The following MYO10 variants were observed in gnomAD, a reference collection of about 807,000 sequenced individuals.
MYO10 encodes the protein myosin X, also known as unconventional myosin-X.
Under a neutral mutation model 257.3 loss-of-function variants are expected in MYO10, and 133 were observed. The observed-to-expected ratio is 0.52, with a 90% CI of 0.45 to 0.60. MYO10 has a LOEUF of 0.60. Among genes scored for constraint, MYO10 ranks in the 20% least tolerant of loss-of-function variants. MYO10 has a pLI of 0.00. For synonymous variants in MYO10, 1,104 were observed against 1,028.6 expected, an observed-to-expected ratio of 1.07 and a Z score of -1.40; for missense variants, 2,399 against 2,635.7, an observed-to-expected ratio of 0.91 and a Z score of 1.97.
Position 16,772,818 on chromosome 5 carries a change from C to G in MYO10, c.931-3615G>C, listed in dbSNP as rs73053055. 2.5e-3 allele frequency among the ~76,000 whole-genome samples: 388 copies of G among 152,262 alleles called. 1 individual carries two copies. The highest frequency in any genetic ancestry group is 9.1e-3 in the African/African-American group (377 of 41,530). On this transcript the variant is annotated intron_variant, in intron 9 of 40. Transcript: ENST00000513610. Reference sequence around the variant, plus strand: ...TGGCTGGAGGAAGCTGGATACAGGACACTACATAGTGCATATTTTAGTTAC... The same window carrying G: ...TGGCTGGAGGAAGCTGGATACAGGAGACTACATAGTGCATATTTTAGTTAC...
At chr5:16,693,098 C>T (rs1407138757) in intron 27 of MYO10, among the ~76,000 whole-genome samples, 1 of 152,098 alleles carries the variant, frequency 6.6e-6, no homozygotes, top group African/African-American at 2.4e-5. Context: ...GAAACCCCGT[C>T]TCTACCAATA....
At chr5:16,775,679 T>C (rs1046335692) in intron 9 of MYO10, among the ~76,000 whole-genome samples, 3 of 152,036 alleles carry the variant, frequency 2.0e-5, no homozygotes, top group African/African-American at 7.2e-5. Context: ...CTCAGCTCAC[T>C]GCAACCTCCA....
chr5:16,897,090 T>C (rs1016075931), intron 1 of MYO10, among the ~76,000 whole-genome samples: 5 of 152,150 alleles, frequency 3.3e-5, no homozygotes, highest in Non-Finnish European at 5.9e-5. Flanking sequence ...CTGAGTAATC[T>C]ACTACAAAAT....
At chr5:16,906,841 G>C (rs986296013) in intron 1 of MYO10, among the ~76,000 whole-genome samples, 41 of 152,182 alleles carry the variant, frequency 2.7e-4, no homozygotes, top group Non-Finnish European at 4.3e-4. Flanking sequence ...GCCAGGCACG[G>C]TGGCTCACGC....
At chr5:16,758,267 C>T (rs761073441) in intron 17 of MYO10, 41 bp from the exon 18 acceptor site, 1 of 1,346,708 alleles carries the variant, frequency 7.4e-7, no homozygotes, top group South Asian at 1.2e-5. Flanking sequence ...GGCACACACA[C>T]CCATTATTAG....
intron 2 of MYO10, among the ~76,000 whole-genome samples, chr5:16,855,045 C>A (rs1017968799): frequency 1.3e-5 from 2 of 148,858 alleles, no homozygotes; most frequent in African/African-American, 5.0e-5. Flanking sequence ...AAAAAAAAAC[C>A]AAAAAAACTG....
intron 9 of MYO10, among the ~76,000 whole-genome samples, chr5:16,769,917 G>A (rs1740994356): frequency 2.0e-5 from 3 of 151,940 alleles, no homozygotes; most frequent in Admixed American, 6.6e-5. Context: ...TGGAGAGGGG[G>A]TGTATTTTTG....
At chr5:16,723,373 G>A (rs1669690818) in intron 19 of MYO10, among the ~76,000 whole-genome samples, 2 of 151,936 alleles carry the variant, frequency 1.3e-5, no homozygotes, top group Admixed American at 1.3e-4. Flanking sequence ...GGGTGACAGA[G>A]CGAGACTCTG....
chr5:16,700,371 G>A (rs966741617), intron 25 of MYO10, among the ~76,000 whole-genome samples: 9 of 152,106 alleles, frequency 5.9e-5, no homozygotes, highest in African/African-American at 1.9e-4. Flanking sequence ...ATAAACAAAA[G>A]TTCCATTTAA....
At chr5:16,876,780 A>G (rs897129086) in intron 2 of MYO10, among the ~76,000 whole-genome samples, 1 of 152,070 alleles carries the variant, frequency 6.6e-6, no homozygotes, top group Non-Finnish European at 1.5e-5. Flanking sequence ...GTCTTGAACT[A>G]AGGACCTCAA....
chr5:16,665,415 C>T lies in MYO10; in HGVS notation c.*1277G>A, dbSNP rs1736117388. On this transcript the variant is annotated 3_prime_UTR_variant, in exon 41 of 41. Transcript: ENST00000513610. ...TTTCGTGTGGGTAGACTTAGTTGGC[C>T]CAAGTCCTTAAAACTTTTCCATATA... 6.6e-6 allele frequency: 1 copy of T among 152,000 alleles called. No homozygotes were observed. Among genetic ancestry groups the T allele is most frequent in the Non-Finnish European group, 1.5e-5 (1 of 68,016 alleles). 9.4% of individuals were successfully genotyped at this position (152,000 alleles called of 1,614,324 possible).
At chr5:16,755,110 G>A (rs58504699) in intron 18 of MYO10, among the ~76,000 whole-genome samples, 3,599 of 152,150 alleles carry the variant, frequency 0.024, 171 homozygotes, top group African/African-American at 0.081. Context: ...GAAATTATTC[G>A]ATAATACACC....
chr5:16,678,543 G>A (rs1429575360), intron 33 of MYO10, among the ~76,000 whole-genome samples: 5 of 152,310 alleles, frequency 3.3e-5, no homozygotes, highest in East Asian at 3.9e-4. Context: ...TCGCACTACC[G>A]CACTCCAGCC....
chr5:16,679,524 G>GTTTTTTTTTTTTTTTTTTT lies in MYO10; in HGVS notation c.4542+422_4542+423insAAAAAAAAAAAAAAAAAAA, dbSNP rs33919452. 6.0e-4 allele frequency among the ~76,000 whole-genome samples: 74 copies of GTTTTTTTTTTTTTTTTTTT among 122,644 alleles called. 1 individual carries two copies. The highest frequency in any genetic ancestry group is 1.8e-3 in the African/African-American group (56 of 31,078). 80.5% of individuals were successfully genotyped at this position (122,644 alleles called of 152,430 possible). ...TTAACCAAGCGCTAGTTTTTTGGGT[G>GTTTTTTTTTTTTTTTTTTT]TTTTTTTTTTTTTTTTTTGAGACGA... On this transcript the variant is annotated intron_variant, in intron 33 of 40. Transcript: ENST00000513610.
rs760732557 is a variant in MYO10, at chr5:16,681,308, C to G, written c.4384+1G>C. On this transcript the variant is annotated splice_donor_variant, in intron 32 of 40. Transcript: ENST00000513610. LOFTEE classifies it high-confidence loss of function. Reference sequence around the variant, plus strand: ...AGGGTTCGGGCAGCCAGCCTGGTTACCTGTCTCTTTGAATATCTTCTCATC... The same window carrying G: ...AGGGTTCGGGCAGCCAGCCTGGTTAGCTGTCTCTTTGAATATCTTCTCATC... 1.2e-6 allele frequency: 2 copies of G among 1,605,820 alleles called. No individual in the cohort carries two copies. The highest frequency in any genetic ancestry group is 3.5e-5 in the Admixed American group (2 of 57,858).
intron 21 of MYO10, among the ~76,000 whole-genome samples, chr5:16,707,243 C>A: frequency 6.6e-6 from 1 of 152,194 alleles, no homozygotes; most frequent in East Asian, 1.9e-4. Context: ...ATTACCCAGT[C>A]TCGGGTATGT....
At chr5:16,931,735 A>G (rs1012263196) in intron 1 of MYO10, among the ~76,000 whole-genome samples, 3 of 152,202 alleles carry the variant, frequency 2.0e-5, no homozygotes, top group African/African-American at 7.2e-5. Flanking sequence ...GGACCCAGCT[A>G]ATCTCCTGAT....
At chr5:16,758,599 C>G (rs1034413878) in intron 17 of MYO10, among the ~76,000 whole-genome samples, 2 of 152,124 alleles carry the variant, frequency 1.3e-5, no homozygotes, top group African/African-American at 4.8e-5. Flanking sequence ...AAGATTGAAG[C>G]AGTTAACGGA....
At chr5:16,898,143 G>A (rs1191435783) in intron 1 of MYO10, among the ~76,000 whole-genome samples, 1 of 152,022 alleles carries the variant, frequency 6.6e-6, no homozygotes, top group Non-Finnish European at 1.5e-5. Context: ...AGCTCACAGG[G>A]CCCCAGGGAT....
Sources: allele counts gnomAD v4.1 joint callset (sites outside exome capture counted in the v4.1 genomes callset), GRCh38; gene constraint gnomAD v4.1.1; transcripts MANE v1.5; gene names NCBI Gene and HGNC (gene_info 2026-07-23, HGNC 2026-07-21).